Variants in PPM1H observed in about 807,000 individuals in gnomAD.
The protein encoded by PPM1H is protein phosphatase, Mg2+/Mn2+ dependent 1H.
PPM1H carries 27 observed loss-of-function variants against 54.9 expected under a neutral mutation model. That is an observed-to-expected ratio of 0.49 (90% CI 0.36 to 0.68). The LOEUF (loss-of-function observed/expected upper bound fraction) is 0.68. Ranked by LOEUF, PPM1H falls within the 30% of genes least tolerant of loss-of-function variation. The probability of loss-of-function intolerance (pLI) is 0.00; values close to 1 mark genes in which losing one functional copy is unlikely to be tolerated. For missense variants in PPM1H, 596 were observed against 667.8 expected, an observed-to-expected ratio of 0.89 and a Z score of 1.19; for synonymous variants, 305 against 270.8, an observed-to-expected ratio of 1.13 and a Z score of -1.24.
Position 62,763,227 on chromosome 12 carries a change from C to A in PPM1H, c.869+24999G>T, listed in dbSNP as rs77424523. ...ACTGGGCTGTTTGGGTGGAATCAGGCGGACCGGGGTTGAGTGCTGGCCTTT... is the reference window on the plus strand; with the variant it reads ...ACTGGGCTGTTTGGGTGGAATCAGGAGGACCGGGGTTGAGTGCTGGCCTTT... On this transcript the variant is annotated intron_variant, in intron 4 of 9. Transcript: ENST00000228705. Among the ~76,000 whole-genome samples the A allele has an allele frequency of 3.3e-5, 5 of 152,280 alleles. No individual in the cohort carries two copies. In the East Asian group the frequency reaches 9.6e-4, roughly 29 times the overall value.
At chr12:62,802,301 C>G (rs1383884353) in intron 2 of PPM1H, 141 bp from the exon 3 acceptor site, 8 of 602,108 alleles carry the variant, frequency 1.3e-5, no homozygotes, top group Non-Finnish European at 2.1e-5. Flanking sequence ...ACATAGCAAA[C>G]AAAACAAAAT....
chr12:62,807,481 A>G (rs2076811561), intron 2 of PPM1H, among the ~76,000 whole-genome samples: 1 of 152,184 alleles, frequency 6.6e-6, no homozygotes, highest in Non-Finnish European at 1.5e-5. Flanking sequence ...AGAGGAAAGA[A>G]CAATGATTAC....
chr12:62,810,276 G>A (rs1214618914), intron 2 of PPM1H, among the ~76,000 whole-genome samples: 1 of 152,130 alleles, frequency 6.6e-6, no homozygotes, highest in East Asian at 1.9e-4. Flanking sequence ...ACTTGATCTT[G>A]CTTTATTTAC....
chr12:62,724,598 TCA>T lies in PPM1H; in HGVS notation c.955-4311_955-4310del, dbSNP rs548152914. Among the ~76,000 whole-genome samples, 4 of 152,292 alleles carry T rather than the reference TCA, an allele frequency of 2.6e-5. No homozygotes were observed. In the East Asian group the frequency reaches 7.7e-4, roughly 29 times the overall value. Reference sequence around the variant, plus strand: ...AATATTGTGTCACTCTGAGGCGCCTTCACACACAGAGCCTTTCATGATTTCCA... The same window carrying T: ...AATATTGTGTCACTCTGAGGCGCCTTCACACAGAGCCTTTCATGATTTCCA... On this transcript the variant is annotated intron_variant, in intron 5 of 9. Transcript: ENST00000228705.
intron 9 of PPM1H, chr12:62,658,889 C>T (rs1379729395): frequency 1.2e-5 from 8 of 643,286 alleles, no homozygotes; most frequent in Non-Finnish European, 2.3e-5. Context: ...CATCCAGCAC[C>T]AGTCTGACCA....
rs757169793 is a variant in PPM1H at position 62,646,677 on chromosome 12, C to T, written c.*1812G>A. On this transcript the variant is annotated 3_prime_UTR_variant, in exon 10 of 10. Transcript: ENST00000228705. ...CAGATGAAGACAACTCCTGACAAGG[C>T]CGAAGTCCCATTCTTCCCAGGCCAA... The T allele has an allele frequency of 1.4e-4, 21 of 152,276 alleles. No individual in the cohort carries two copies. Among genetic ancestry groups the T allele is most frequent in the Admixed American group, 9.2e-4 (14 of 15,286 alleles). The allele number at this position is 152,276 out of a possible 1,614,324, so 9.4% of individuals were successfully genotyped here.
Position 62,801,966 on chromosome 12 carries a change from G to A in PPM1H, c.606C>T (p.Asn202=). The change falls in exon 3 of 10, where the codon AAC becomes AAT. Residue 202 remains asparagine, a synonymous_variant. Coordinates refer to ENST00000228705, the MANE Select transcript of PPM1H (RefSeq NM_020700.2). ...LGEEPENTPA[N]SRTLTRAASL... ...AGGCTGCCCGGGTCAGAGTCCGGCT[G>A]TTGGCGGGCGTGTTCTCAGGCTCCT... is the stretch of plus-strand genomic sequence containing the variant. 1 of 1,612,788 alleles carries A rather than the reference G, an allele frequency of 6.2e-7. No homozygotes were observed. Among genetic ancestry groups the A allele is most frequent in the Non-Finnish European group, 8.5e-7 (1 of 1,179,218 alleles).
chr12:62,694,032 T>G, intron 6 of PPM1H, 33 bp from the exon 7 acceptor site: 3 of 1,580,280 alleles, frequency 1.9e-6, no homozygotes, highest in Non-Finnish European at 2.6e-6. Flanking sequence ...TAAAAAAGGT[T>G]TGCACTCAAT....
intron 8 of PPM1H, among the ~76,000 whole-genome samples, chr12:62,667,901 G>A (rs2075929125): frequency 6.6e-6 from 1 of 152,122 alleles, no homozygotes; most frequent in Admixed American, 6.5e-5. Flanking sequence ...AACCTTTCTT[G>A]CATTACCTGC....
intron 1 of PPM1H, among the ~76,000 whole-genome samples, chr12:62,892,352 A>T (rs1273260395): frequency 4.6e-5 from 7 of 151,768 alleles, no homozygotes; most frequent in Admixed American, 4.6e-4. Flanking sequence ...AGATCTACCA[A>T]TTTTTCCTGC....
chr12:62,826,138 CATT>C (rs1409875150), intron 2 of PPM1H, among the ~76,000 whole-genome samples: 2 of 152,112 alleles, frequency 1.3e-5, no homozygotes, highest in African/African-American at 4.8e-5. Flanking sequence ...AACACCAATT[CATT>C]ATTATCTGTA....
chr12:62,911,122 T>C (rs948542336), intron 1 of PPM1H, among the ~76,000 whole-genome samples: 1 of 152,136 alleles, frequency 6.6e-6, no homozygotes, highest in African/African-American at 2.4e-5. Flanking sequence ...AGAAGTAATG[T>C]AAATTACTGG....
intron 1 of PPM1H, among the ~76,000 whole-genome samples, chr12:62,858,588 C>T (rs1869481681): frequency 6.6e-6 from 1 of 152,196 alleles, no homozygotes; most frequent in Non-Finnish European, 1.5e-5. Context: ...GAGTAAACTG[C>T]CATTCCTATA....
intron 1 of PPM1H, among the ~76,000 whole-genome samples, chr12:62,836,104 A>G (rs1868496011): frequency 6.6e-6 from 1 of 152,232 alleles, no homozygotes; most frequent in African/African-American, 2.4e-5. Flanking sequence ...CGACTATGCT[A>G]TCTACATTCT....
chr12:62,823,852 C>T (rs2120825868), intron 2 of PPM1H, among the ~76,000 whole-genome samples: 1 of 152,214 alleles, frequency 6.6e-6, no homozygotes, highest in African/African-American at 2.4e-5. Flanking sequence ...ACAGGGATGC[C>T]CTCTCTCACC....
At chr12:62,913,033 G>A (rs1871508308) in intron 1 of PPM1H, among the ~76,000 whole-genome samples, 1 of 152,188 alleles carries the variant, frequency 6.6e-6, no homozygotes, top group Non-Finnish European at 1.5e-5. Context: ...GGCAGGCAGA[G>A]TGAAGGAAAG....
chr12:62,687,585 G>T, intron 8 of PPM1H, among the ~76,000 whole-genome samples: 1 of 149,564 alleles, frequency 6.7e-6, no homozygotes, highest in African/African-American at 2.5e-5. Flanking sequence ...TTTTGAGTTA[G>T]CTCTAGTAAG....
intron 1 of PPM1H, among the ~76,000 whole-genome samples, chr12:62,932,628 C>CTTTTTTTTGTTTTTTTTTTTTT (rs1872177893): frequency 1.9e-5 from 1 of 54,010 alleles, no homozygotes; most frequent in South Asian, 1.2e-3. Flanking sequence ...TCCAAATGGG[C>CTTTTTTTTGTTTTTTTTTTTTT]TTTTTTTTTT....
intron 1 of PPM1H, among the ~76,000 whole-genome samples, chr12:62,855,993 A>G (rs3847906): frequency 0.055 from 8,321 of 152,246 alleles, 408 homozygotes; most frequent in African/African-American, 0.12. Flanking sequence ...GACCCTTCCA[A>G]ATGCACTGTG....
Sources: gnomAD v4.1 joint callset for allele counts (sites outside exome capture counted in the v4.1 genomes callset) on GRCh38, gnomAD v4.1.1 for gene constraint, MANE v1.5 for transcripts, NCBI Gene and HGNC (gene_info 2026-07-23, HGNC 2026-07-21) for gene names.